The following PEX5 variants were observed in gnomAD, a reference collection of about 807,000 sequenced individuals.
PEX5 encodes the protein peroxisomal biogenesis factor 5, also known as PTS1 receptor.
Under a neutral mutation model 82.9 loss-of-function variants are expected in PEX5, and 52 were observed. The ratio of observed to expected loss-of-function variants is 0.63; its 90% CI spans 0.50 to 0.79. PEX5 has a LOEUF of 0.79. Ranked by LOEUF, PEX5 falls within the 30% of genes least tolerant of loss-of-function variation. The probability of loss-of-function intolerance (pLI) is 0.00; values close to 1 mark genes in which losing one functional copy is unlikely to be tolerated. For synonymous variants in PEX5, 300 were observed against 318.8 expected (o/e 0.94, Z 0.63); for missense variants, 719 against 815.2 (o/e 0.88, Z 1.44).
chr12:7,196,120 G>T (rs1942059456), intron 5 of PEX5, among the ~76,000 whole-genome samples: 1 of 108,682 alleles, frequency 9.2e-6, no homozygotes. Flanking sequence ...ATTACATTAT[G>T]TTATATATAA....
chr12:7,190,460 A>G lies in PEX5; in HGVS notation c.83A>G (p.Lys28Arg), dbSNP rs759345862. The G allele has an allele frequency of 1.4e-5, 22 of 1,613,940 alleles. No homozygotes were observed. Among genetic ancestry groups the G allele is most frequent in the Non-Finnish European group, 2.5e-6 (3 of 1,180,038 alleles). ...MKLAGHFTQD[K>R]ALRQEGLRPG... ...CTCGCCGGGCACTTCACCCAGGACA[A>G]GGCCCTTCGGCAGGAGGGATTGAGG... is the stretch of plus-strand genomic sequence containing the variant. The change falls in exon 2 of 16, where the codon AAG becomes AGG. Residue 28 changes from lysine to arginine, a missense_variant. Physicochemically the swap from Lys to Arg is conservative, Grantham distance 26. Transcript: ENST00000675855.
chr12:7,191,501 G>T (rs2135902167), intron 4 of PEX5, 68 bp from the exon 5 acceptor site: 1 of 1,601,834 alleles, frequency 6.2e-7, no homozygotes, highest in Non-Finnish European at 8.6e-7. Flanking sequence ...CGTGGATTCA[G>T]GGTTCTTTAG....
chr12:7,212,514 A>AAAAG (rs1367054264), downstream of PEX5, among the ~76,000 whole-genome samples: 1 of 151,696 alleles, frequency 6.6e-6, no homozygotes, highest in African/African-American at 2.4e-5. Flanking sequence ...AAACAGGTCT[A>AAAAG]AAAGACAACT....
downstream of PEX5, among the ~76,000 whole-genome samples, chr12:7,213,223 CTACTT>C (rs1454275822): frequency 3.3e-5 from 5 of 151,270 alleles, no homozygotes; most frequent in Admixed American, 6.6e-5. Flanking sequence ...TTGGAAAAAA[CTACTT>C]TAAAGTTCAT....
rs765532002 is a variant in PEX5 at position 7,208,534 on chromosome 12, G to C, written c.1259G>C (p.Arg420Pro). ...AVSFTNESLQ[R>P]QACETLRDWL... ...AGCTTCACCAACGAGTCCCTGCAGC[G>C]ACAGGCCTGTGAAACCCTACGAGAC... The change falls in exon 13 of 16, where the codon CGA (arginine) becomes CCA (proline). Residue 420 changes from arginine to proline, a missense_variant. Coordinates refer to ENST00000675855, the MANE Select transcript of PEX5 (RefSeq NM_001351132.2). 5 of 1,614,122 alleles carry C rather than the reference G, an allele frequency of 3.1e-6. No homozygotes were observed. Among genetic ancestry groups the C allele is most frequent in the Non-Finnish European group, 3.4e-6 (4 of 1,179,988 alleles).
chr12:7,205,763 G>T (rs1198095869), intron 10 of PEX5, among the ~76,000 whole-genome samples: 5 of 152,178 alleles, frequency 3.3e-5, no homozygotes, highest in African/African-American at 1.2e-4. Context: ...TTCAAGGAGG[G>T]TAGATAATAT....
intron 7 of PEX5, 90 bp from the exon 8 acceptor site, chr12:7,202,150 AG>A: frequency 6.3e-7 from 1 of 1,591,898 alleles, no homozygotes; most frequent in Non-Finnish European, 8.6e-7. Flanking sequence ...TGGTCAGGGG[AG>A]GGGTGAGTAC....
chr12:7,197,507 A>G (rs1942948207), intron 5 of PEX5, among the ~76,000 whole-genome samples: 1 of 130,990 alleles, frequency 7.6e-6, no homozygotes, highest in Non-Finnish European at 1.6e-5. Context: ...TGTTATATAT[A>G]ATGTAATAAT....
chr12:7,205,058 A>C (rs1253344282), intron 10 of PEX5, among the ~76,000 whole-genome samples: 1 of 152,228 alleles, frequency 6.6e-6, no homozygotes, highest in African/African-American at 2.4e-5. Flanking sequence ...TGCAGTACCC[A>C]AAACCGTAAA....
In PEX5 at chr12:7,201,200, T is replaced by C. The variant is rs532655065; in HGVS notation, c.552-551T>C. On this transcript the variant is annotated intron_variant, in intron 6 of 15. Coordinates refer to ENST00000675855, the MANE Select transcript of PEX5 (RefSeq NM_001351132.2). ...ATATGTACACACGCATACATACACA[T>C]ACATGTGCACATACATGTATATACA... is the stretch of plus-strand genomic sequence containing the variant. Among the ~76,000 whole-genome samples the C allele has an allele frequency of 1.6e-3, 230 of 146,628 alleles. 1 individual carries two copies. The highest frequency in any genetic ancestry group is 6.7e-3 in the East Asian group (34 of 5,082).
chr12:7,213,735 TTAAAC>T (rs879412368), downstream of PEX5, among the ~76,000 whole-genome samples: 13 of 150,002 alleles, frequency 8.7e-5, no homozygotes, highest in East Asian at 1.9e-4. Context: ...TGGGATCTAA[TTAAAC>T]TAAAGAGCTT....
chr12:7,207,049 T>C, intron 10 of PEX5, among the ~76,000 whole-genome samples: 1 of 152,216 alleles, frequency 6.6e-6, no homozygotes, highest in East Asian at 1.9e-4. Context: ...TTCTCTGCCA[T>C]CTGGATTTTG....
chr12:7,215,377 T>C (rs1945748539), downstream of PEX5, among the ~76,000 whole-genome samples: 1 of 152,160 alleles, frequency 6.6e-6, no homozygotes, highest in African/African-American at 2.4e-5. Context: ...TTTGACCAAG[T>C]AGTCCCATTA....
intron 5 of PEX5, 77 bp downstream of exon 5, chr12:7,191,777 G>A: frequency 7.2e-7 from 1 of 1,391,380 alleles, no homozygotes; most frequent in Non-Finnish European, 1.0e-6. Flanking sequence ...TCACGTTATA[G>A]TGTGATTACG....
rs755919579 is a variant in PEX5 at position 7,210,172 on chromosome 12, C to T, written c.1869C>T (p.Ala623=). 67 of 1,614,066 alleles carry T rather than the reference C, an allele frequency of 4.2e-5. No individual in the cohort carries two copies. The highest frequency in any genetic ancestry group is 1.1e-4 in the African/African-American group (8 of 74,922). The change falls in exon 16 of 16, where the codon GCC becomes GCT. Residue 623 remains alanine, a synonymous_variant. Transcript: ENST00000675855. ...GCCAGAGCGATGCCTATGGGGCAGC[C>T]GACGCGCGGGATCTGTCCACCCTCC... The part of the protein sequence containing the change: ...MLGQSDAYGA[A]DARDLSTLLT...
At chr12:7,207,609 G>A (rs1195351992) in intron 10 of PEX5, 50 bp from the exon 11 acceptor site, 2 of 1,601,716 alleles carry the variant, frequency 1.2e-6, no homozygotes, top group Non-Finnish European at 1.7e-6. Flanking sequence ...CATCCCTGCT[G>A]TTCTGACGGT....
chr12:7,191,667 G>T lies in PEX5; in HGVS notation c.415G>T (p.Asp139Tyr). Reference protein sequence around the residue: ...VDVTQDYNETDWSQEFISEVT... With the variant: ...VDVTQDYNETYWSQEFISEVT... ...TGTAACTCAGGATTATAATGAGACT[G>T]ACTGGTCCCAAGAATTCATCTCTGA... Residue 139 changes from aspartate (D) to tyrosine (Y), a missense_variant, in exon 5 of 16, where the codon GAC becomes TAC. By Grantham distance (160) the Asp-to-Tyr change is radical. Coordinates refer to ENST00000675855, the MANE Select transcript of PEX5 (RefSeq NM_001351132.2). The T allele has an allele frequency of 6.2e-7, 1 of 1,613,840 alleles. No individual in the cohort carries two copies. Among genetic ancestry groups the T allele is most frequent in the South Asian group, 1.1e-5 (1 of 91,054 alleles).
intron 5 of PEX5, among the ~76,000 whole-genome samples, chr12:7,196,087 T>G (rs1343792555): frequency 2.9e-5 from 4 of 139,406 alleles, no homozygotes; most frequent in African/African-American, 7.6e-5. Context: ...ATAATGTATT[T>G]CTTATGTTAT....
intron 5 of PEX5, among the ~76,000 whole-genome samples, chr12:7,198,657 C>T (rs1044525279): frequency 2.0e-5 from 3 of 152,150 alleles, no homozygotes; most frequent in African/African-American, 7.2e-5. Context: ...TGGCTCCCTG[C>T]TGTACTTCTG....
Sources: gnomAD v4.1 joint callset for allele counts (sites outside exome capture counted in the v4.1 genomes callset) on GRCh38, gnomAD v4.1.1 for gene constraint, MANE v1.5 for transcripts, NCBI Gene and HGNC (gene_info 2026-07-23, HGNC 2026-07-21) for gene names.